TENM3: variants seen among roughly 807,000 people sequenced by gnomAD.
The protein encoded by TENM3 is teneurin transmembrane protein 3.
A neutral mutation model predicts 255.1 loss-of-function variants in TENM3; 63 were observed. The ratio of observed to expected loss-of-function variants is 0.25; its 90% CI spans 0.20 to 0.30. TENM3 has a LOEUF of 0.30. Ranked by LOEUF, TENM3 falls within the 10% of genes least tolerant of loss-of-function variation. TENM3 has a pLI of 1.00. For missense variants in TENM3, 2,929 were observed against 3,461.1 expected (o/e 0.85, Z 3.86); for synonymous variants, 1,306 against 1,322.3 (o/e 0.99, Z 0.27).
chr4:181,530,905 T>C, the TENM3 span, among the ~76,000 whole-genome samples: 1 of 152,168 alleles, frequency 6.6e-6, no homozygotes, highest in Non-Finnish European at 1.5e-5. Flanking sequence ...CTTTGGAAGC[T>C]GACACCTGCA....
At chr4:181,916,982 T>C in the TENM3 span, among the ~76,000 whole-genome samples, 2 of 152,200 alleles carry the variant, frequency 1.3e-5, no homozygotes, top group African/African-American at 4.8e-5. Flanking sequence ...ACATGTTCCA[T>C]TGGTTTTCTA....
chr4:181,812,508 T>C, the TENM3 span, among the ~76,000 whole-genome samples: 2 of 152,230 alleles, frequency 1.3e-5, no homozygotes, highest in Non-Finnish European at 2.9e-5. Flanking sequence ...AGACAACTTT[T>C]GTGTATGTTT....
chr4:182,279,516 G>A lies in TENM3; in HGVS notation c.-76+36040G>A, dbSNP rs148942643. 3.2e-3 allele frequency among the ~76,000 whole-genome samples: 490 copies of A among 152,254 alleles called. 6 individuals are homozygous for A. The highest frequency in any genetic ancestry group is 3.4e-3 in the Middle Eastern group (1 of 294). On this transcript the variant is annotated intron_variant, in intron 1 of 27. Transcript: ENST00000511685. ...GAGACAATTTGATGAACAAGCCATC[G>A]TTGAAGTCTGGCCTCAAAGAGCTAG...
chr4:182,361,718 G>A (rs1164043703), intron 3 of TENM3, among the ~76,000 whole-genome samples: 5 of 152,108 alleles, frequency 3.3e-5, no homozygotes, highest in Non-Finnish European at 5.9e-5. Flanking sequence ...CTCTCAACTC[G>A]TCAAAGTCAT....
chr4:182,270,620 C>T (rs1211982004), intron 1 of TENM3, among the ~76,000 whole-genome samples: 1 of 152,008 alleles, frequency 6.6e-6, no homozygotes, highest in African/African-American at 2.4e-5. Context: ...CTGTTGGAGG[C>T]TTAGGATTTT....
At chr4:181,975,400 A>T in the TENM3 span, 1 of 151,984 alleles carries the variant, frequency 6.6e-6, no homozygotes, top group African/African-American at 2.4e-5. Flanking sequence ...AGCCCCCTAA[A>T]GTACTGGGAT....
At chr4:182,608,221 G>C (rs1452909732) in intron 4 of TENM3, among the ~76,000 whole-genome samples, 1 of 152,088 alleles carries the variant, frequency 6.6e-6, no homozygotes, top group African/African-American at 2.4e-5. Context: ...TGGAATCAAG[G>C]TGTATTCAGT....
the TENM3 span, among the ~76,000 whole-genome samples, chr4:181,913,377 C>T: frequency 6.6e-6 from 1 of 152,146 alleles, no homozygotes; most frequent in Admixed American, 6.5e-5. Context: ...ATTTTCTCAG[C>T]AAGGCAATTT....
chr4:182,381,765 T>C (rs1767587739), intron 3 of TENM3, among the ~76,000 whole-genome samples: 1 of 152,202 alleles, frequency 6.6e-6, no homozygotes, highest in East Asian at 1.9e-4. Flanking sequence ...TTCTACATGT[T>C]GGTCAGGCTG....
chr4:182,624,208 G>C (rs1750600690), intron 4 of TENM3, among the ~76,000 whole-genome samples: 1 of 152,104 alleles, frequency 6.6e-6, no homozygotes, highest in Non-Finnish European at 1.5e-5. Context: ...ATTTTTTCTA[G>C]TCTAAGGGGA....
At chr4:181,859,258 A>C in the TENM3 span, among the ~76,000 whole-genome samples, 2,765 of 130,896 alleles carry the variant, frequency 0.021, 118 homozygotes, top group African/African-American at 0.069. Context: ...AAAAAAAAAA[A>C]AAAAAAAATC....
intron 13 of TENM3, among the ~76,000 whole-genome samples, chr4:182,727,781 G>A (rs1760340788): frequency 6.6e-6 from 1 of 151,416 alleles, no homozygotes; most frequent in Non-Finnish European, 1.5e-5. Context: ...TTTAGTGAGT[G>A]TATTCTAGGA....
At position 182,523,115 on chromosome 4, in the gene TENM3, C is replaced by T. The variant is rs145171603; in HGVS notation, c.512-77809C>T. 1.4e-3 allele frequency among the ~76,000 whole-genome samples: 207 copies of T among 151,854 alleles called. 1 individual carries two copies. Among genetic ancestry groups the T allele is most frequent in the African/African-American group, 4.9e-3 (201 of 41,412 alleles). ...TCTCTTGAGAAATGTCTGTTCAGGC[C>T]GTTTGTCCATTTTTAAATTGAATAA... is the stretch of plus-strand genomic sequence containing the variant. On this transcript the variant is annotated intron_variant, in intron 3 of 27. Coordinates refer to ENST00000511685, the MANE Select transcript of TENM3 (RefSeq NM_001080477.4).
the TENM3 span, among the ~76,000 whole-genome samples, chr4:181,740,002 T>C: frequency 6.6e-6 from 1 of 152,200 alleles, no homozygotes; most frequent in Non-Finnish European, 1.5e-5. Flanking sequence ...CCAATTTTAG[T>C]CCCTGAATTT....
At chr4:181,890,884 A>G in the TENM3 span, among the ~76,000 whole-genome samples, 1 of 152,154 alleles carries the variant, frequency 6.6e-6, no homozygotes, top group Non-Finnish European at 1.5e-5. Context: ...CCTAAATTCT[A>G]TTGTTTTCCT....
chr4:181,698,618 A>G, the TENM3 span, among the ~76,000 whole-genome samples: 1 of 152,216 alleles, frequency 6.6e-6, no homozygotes, highest in East Asian at 1.9e-4. Context: ...AAAGAAAAAT[A>G]CAACACTGTA....
At chr4:181,719,364 C>T in the TENM3 span, among the ~76,000 whole-genome samples, 1 of 152,240 alleles carries the variant, frequency 6.6e-6, no homozygotes, top group Middle Eastern at 3.4e-3. Context: ...TATCTTCATC[C>T]ATTGGGATGC....
the TENM3 span, among the ~76,000 whole-genome samples, chr4:181,556,364 G>GT: frequency 6.6e-6 from 1 of 151,780 alleles, no homozygotes; most frequent in African/African-American, 2.4e-5. Flanking sequence ...AATTTGTGGG[G>GT]TTTTTTTCTA....
At chr4:181,558,817 A>C in the TENM3 span, among the ~76,000 whole-genome samples, 2 of 152,246 alleles carry the variant, frequency 1.3e-5, no homozygotes, top group African/African-American at 4.8e-5. Context: ...ACCTGCATGC[A>C]AGAAAAGTTT....
Sources: allele counts gnomAD v4.1 joint callset (sites outside exome capture counted in the v4.1 genomes callset), GRCh38; gene constraint gnomAD v4.1.1; transcripts MANE v1.5; gene names NCBI Gene and HGNC (gene_info 2026-07-23, HGNC 2026-07-21).